ATP8A2: variants seen among roughly 807,000 people sequenced by gnomAD.
ATP8A2 encodes phospholipid-transporting ATPase IB.
A neutral mutation model predicts 165.6 loss-of-function variants in ATP8A2; 100 were observed. The observed-to-expected ratio is 0.60, with a 90% confidence interval of 0.51 to 0.71. ATP8A2 has a LOEUF of 0.71. Ranked by LOEUF, ATP8A2 falls within the 30% of genes least tolerant of loss-of-function variation. The probability of loss-of-function intolerance (pLI) is 0.00; values close to 1 mark genes in which losing one functional copy is unlikely to be tolerated. For synonymous variants in ATP8A2, 543 were observed against 548.8 expected, an observed-to-expected ratio of 0.99 and a Z score of 0.15; for missense variants, 1,227 against 1,479.5, an observed-to-expected ratio of 0.83 and a Z score of 2.80.
intron 25 of ATP8A2, among the ~76,000 whole-genome samples, chr13:25,758,744 C>A (rs905037348): frequency 1.9e-4 from 29 of 152,172 alleles, no homozygotes; most frequent in Non-Finnish European, 3.8e-4. Flanking sequence ...CACTGGAAGT[C>A]ATTTTCATGT....
intron 4 of ATP8A2, 111 bp downstream of exon 4, chr13:25,530,771 C>T (rs551577974): frequency 1.2e-4 from 83 of 667,578 alleles, no homozygotes; most frequent in Non-Finnish European, 2.1e-4. Context: ...CTTAACCAGC[C>T]TCTTTAGACA....
intron 2 of ATP8A2, among the ~76,000 whole-genome samples, chr13:25,502,880 GT>G (rs2036900205): frequency 6.6e-6 from 1 of 152,172 alleles, no homozygotes; most frequent in Non-Finnish European, 1.5e-5. Flanking sequence ...TATAGTGGGT[GT>G]TTCATGGATG....
At chr13:25,738,333 GC>G (rs775044728) in intron 25 of ATP8A2, among the ~76,000 whole-genome samples, 17 of 43,158 alleles carry the variant, frequency 3.9e-4, no homozygotes, top group East Asian at 2.8e-3. Flanking sequence ...TTCTTTTTGT[GC>G]CCCCCTCCCC....
chr13:25,545,846 G>A (rs1220201618), intron 10 of ATP8A2, among the ~76,000 whole-genome samples: 1 of 152,162 alleles, frequency 6.6e-6, no homozygotes, highest in East Asian at 1.9e-4. Context: ...TGTTGCCCAG[G>A]CTGGTCTTGA....
chr13:25,839,645 C>T (rs1387203286), intron 30 of ATP8A2, 21 bp downstream of exon 30: 3 of 1,604,764 alleles, frequency 1.9e-6, no homozygotes, highest in Non-Finnish European at 2.6e-6. Flanking sequence ...TGTGATTTCA[C>T]CTGTCAGCAA....
intron 33 of ATP8A2, among the ~76,000 whole-genome samples, chr13:25,943,590 C>T (rs771277512): frequency 3.3e-5 from 5 of 152,174 alleles, no homozygotes; most frequent in Non-Finnish European, 7.3e-5. Flanking sequence ...CCCACAACAA[C>T]GCACTCACCT....
intron 1 of ATP8A2, among the ~76,000 whole-genome samples, chr13:25,445,208 T>G (rs1481007039): frequency 1.3e-5 from 2 of 152,272 alleles, no homozygotes; most frequent in African/African-American, 2.4e-5. Context: ...TTTTGCATTG[T>G]GTTTAAGAAA....
chr13:25,598,826 T>G (rs992751112), intron 24 of ATP8A2, among the ~76,000 whole-genome samples: 48 of 152,196 alleles, frequency 3.2e-4, no homozygotes, highest in African/African-American at 1.1e-3. Context: ...TGATTGAGTG[T>G]CTAGATTCTG....
intron 6 of ATP8A2, among the ~76,000 whole-genome samples, chr13:25,536,525 A>G (rs1335281790): frequency 2.6e-5 from 4 of 152,202 alleles, no homozygotes; most frequent in African/African-American, 9.7e-5. Flanking sequence ...CACTTTAATA[A>G]ACAACTTAAA....
chr13:25,563,935 T>C, intron 15 of ATP8A2, 21 bp from the exon 16 acceptor site: 1 of 1,576,624 alleles, frequency 6.3e-7, no homozygotes, highest in Non-Finnish European at 8.7e-7. Flanking sequence ...TTGAATAAAT[T>C]TTCTCTGTTC....
intron 27 of ATP8A2, among the ~76,000 whole-genome samples, chr13:25,810,172 T>A (rs1431681944): frequency 6.6e-6 from 1 of 152,242 alleles, no homozygotes; most frequent in Non-Finnish European, 1.5e-5. Context: ...AAAAGCACTC[T>A]CTCTGAACGA....
Position 25,372,987 on chromosome 13 carries a change from GT to G in ATP8A2, c.76+700del, listed in dbSNP as rs1354957083. On this transcript the variant is annotated intron_variant, in intron 1 of 36. Transcript: ENST00000381655. This position sits in a 1 kb window ranked among gnomAD's most constrained non-coding sequence, Gnocchi z 4.8. Reference sequence around the variant, plus strand: ...TCGAAACCTAAAGCCAAACACGCATGTACCATACCCGACCACTCACACTGTT... The same window carrying G: ...TCGAAACCTAAAGCCAAACACGCATGACCATACCCGACCACTCACACTGTT... Among the ~76,000 whole-genome samples the G allele has an allele frequency of 1.3e-5, 2 of 152,202 alleles. No individual in the cohort carries two copies. Among genetic ancestry groups the G allele is most frequent in the Non-Finnish European group, 2.9e-5 (2 of 68,050 alleles).
chr13:25,964,870 G>A (rs1351060342), intron 34 of ATP8A2, among the ~76,000 whole-genome samples: 1 of 152,148 alleles, frequency 6.6e-6, no homozygotes, highest in Admixed American at 6.5e-5. Context: ...CTTTTGAAAG[G>A]GCTTTTAGAC....
intron 24 of ATP8A2, among the ~76,000 whole-genome samples, chr13:25,630,452 A>G (rs1210790305): frequency 6.6e-6 from 1 of 152,142 alleles, no homozygotes; most frequent in African/African-American, 2.4e-5. Context: ...TAATTTCACC[A>G]TGTCAGTTTT....
At chr13:25,632,018 C>T (rs954768508) in intron 24 of ATP8A2, among the ~76,000 whole-genome samples, 1 of 152,096 alleles carries the variant, frequency 6.6e-6, no homozygotes, top group African/African-American at 2.4e-5. Context: ...CAAGCCCCAC[C>T]CCCTGACACC....
At chr13:25,722,351 G>A (rs1193526113) in intron 25 of ATP8A2, among the ~76,000 whole-genome samples, 1 of 152,138 alleles carries the variant, frequency 6.6e-6, no homozygotes, top group African/African-American at 2.4e-5. Flanking sequence ...CTAAAGTACT[G>A]TTTGGTCCCA....
intron 35 of ATP8A2, among the ~76,000 whole-genome samples, chr13:25,989,370 A>G (rs1315125135): frequency 7.9e-5 from 12 of 152,228 alleles, no homozygotes; most frequent in Admixed American, 2.0e-4. Flanking sequence ...AGAGATATCA[A>G]TGATTCAAAC....
At chr13:25,455,035 G>C (rs887421691) in intron 1 of ATP8A2, among the ~76,000 whole-genome samples, 1 of 152,214 alleles carries the variant, frequency 6.6e-6, no homozygotes, top group Admixed American at 6.5e-5. Flanking sequence ...CTGGTGTTTC[G>C]CATTTTATAA....
At chr13:25,805,012 T>C (rs1383963174) in intron 27 of ATP8A2, among the ~76,000 whole-genome samples, 2 of 152,214 alleles carry the variant, frequency 1.3e-5, no homozygotes, top group Non-Finnish European at 2.9e-5. Context: ...CATTAAACAT[T>C]CAGTTGCCAG....
Sources: allele counts gnomAD v4.1 joint callset (sites outside exome capture counted in the v4.1 genomes callset), GRCh38; gene constraint gnomAD v4.1.1; non-coding constraint Gnocchi (gnomAD v3.1); transcripts MANE v1.5; gene names NCBI Gene and HGNC (gene_info 2026-07-23, HGNC 2026-07-21).